The following CCDC40 variants were observed in gnomAD, a reference collection of about 807,000 sequenced individuals.
CCDC40 encodes coiled-coil domain 40 molecular ruler complex subunit, also known as coiled-coil domain-containing protein 40.
A neutral mutation model predicts 124.5 loss-of-function variants in CCDC40; 104 were observed. The ratio of observed to expected loss-of-function variants is 0.84; its 90% confidence interval spans 0.71 to 0.98. The LOEUF (loss-of-function observed/expected upper bound fraction) is 0.98. Among genes scored for constraint, CCDC40 ranks in the 50% least tolerant of loss-of-function variants. The pLI is 0.00. For missense variants in CCDC40, 1,463 were observed against 1,503.9 expected (o/e 0.97, Z 0.45); for synonymous variants, 580 against 602.9 (o/e 0.96, Z 0.56).
At chr17:80,081,155 G>A (rs1034626012) in intron 10 of CCDC40, among the ~76,000 whole-genome samples, 5 of 152,116 alleles carry the variant, frequency 3.3e-5, no homozygotes, top group African/African-American at 1.2e-4. Context: ...GGCCAAGGCA[G>A]GCACATTGCT....
chr17:80,087,463 G>A lies in CCDC40; in HGVS notation c.2450-144G>A. The stretch of plus-strand genomic sequence containing the variant: ...CCTGGCAGGGACGAGATTCAGGCAG[G>A]AGCGCCAGGAACGACAAGAGGGAGG... On this transcript the variant is annotated intron_variant, in intron 14 of 19. Transcript: ENST00000397545. This position sits in a 1 kb window ranked among gnomAD's most constrained non-coding sequence, Gnocchi z 4.5. The A allele has an allele frequency of 4.2e-6, 3 of 711,826 alleles. No individual in the cohort carries two copies. The highest frequency in any genetic ancestry group is 3.5e-5 in the African/African-American group (2 of 57,204). 44.1% of individuals were successfully genotyped at this position (711,826 alleles called of 1,614,324 possible). A position where few individuals can be genotyped will look rare whatever the true frequency, so the allele number is the denominator to read the frequency against.
chr17:80,082,293 C>T (rs1220649399), intron 12 of CCDC40, among the ~76,000 whole-genome samples: 1 of 22,962 alleles, frequency 4.4e-5, no homozygotes, highest in East Asian at 1.2e-3. Context: ...GGCTGATTTC[C>T]CTGGGGGGAC....
rs771945655 is a variant in CCDC40 at position 80,082,063 on chromosome 17, G to A, written c.1989+5G>A. The A allele has an allele frequency of 1.6e-5, 26 of 1,612,504 alleles. No homozygotes were observed. Among genetic ancestry groups the A allele is most frequent in the Non-Finnish European group, 1.6e-5 (19 of 1,179,572 alleles). Reference sequence around the variant, plus strand: ...CAGAAGGAGAAGACCAACATGGTAGGCCCCTGCCCCAGGGAGGGGCTGTGC... The same window carrying A: ...CAGAAGGAGAAGACCAACATGGTAGACCCCTGCCCCAGGGAGGGGCTGTGC... On this transcript the variant is annotated splice_donor_5th_base_variant and intron_variant, in intron 12 of 19. Transcript: ENST00000397545.
At chr17:80,055,805 C>A (rs2037719630) in intron 7 of CCDC40, among the ~76,000 whole-genome samples, 1 of 151,294 alleles carries the variant, frequency 6.6e-6, no homozygotes, top group Non-Finnish European at 1.5e-5. Flanking sequence ...AACGTAGATT[C>A]TTGTGGATTC....
chr17:80,047,323 C>A lies in CCDC40; in HGVS notation c.597C>A (p.Gly199=). ...CCCAGGGGCAGGTGCTCCCAATGGG[C>A]GTCCAGCACCGCTTCCGGCTGAGCC... ...EEPQGQVLPM[G]VQHRFRLSHG... is the part of the protein sequence containing the mutation. The change falls in exon 4 of 20, where the codon GGC becomes GGA. Residue 199 remains glycine, a synonymous_variant. Coordinates refer to ENST00000397545, the MANE Select transcript of CCDC40 (RefSeq NM_017950.4). 6.2e-7 allele frequency: 1 copy of A among 1,613,602 alleles called. No individual in the cohort carries two copies. The highest frequency in any genetic ancestry group is 8.5e-7 in the Non-Finnish European group (1 of 1,179,644).
intron 9 of CCDC40, among the ~76,000 whole-genome samples, chr17:80,063,480 G>A (rs2037956263): frequency 6.6e-6 from 1 of 152,132 alleles, no homozygotes; most frequent in Admixed American, 6.6e-5. Flanking sequence ...GGCAGCCTCA[G>A]GGGCACCATG....
At chr17:80,062,356 A>T (rs1230804048) in intron 9 of CCDC40, among the ~76,000 whole-genome samples, 1 of 151,888 alleles carries the variant, frequency 6.6e-6, no homozygotes, top group Non-Finnish European at 1.5e-5. Context: ...CACGATGTGC[A>T]GGTTTGTTAC....
At chr17:80,090,885 T>A in intron 17 of CCDC40, 2 of 881,262 alleles carry the variant, frequency 2.3e-6, no homozygotes, top group Non-Finnish European at 2.8e-6. Context: ...ATGTTGTGTT[T>A]AAAAATACCA....
In CCDC40 at chr17:80,082,076, G is replaced by T; in HGVS notation, c.1989+18G>T. The T allele has an allele frequency of 6.2e-7, 1 of 1,611,570 alleles. No individual in the cohort carries two copies. Among genetic ancestry groups the T allele is most frequent in the South Asian group, 1.1e-5 (1 of 90,974 alleles). ...CCAACATGGTAGGCCCCTGCCCCAGGGAGGGGCTGTGCGAAGCCCCCTGCA... is the reference window on the plus strand; with the variant it reads ...CCAACATGGTAGGCCCCTGCCCCAGTGAGGGGCTGTGCGAAGCCCCCTGCA... On this transcript the variant is annotated intron_variant, in intron 12 of 19. Coordinates refer to ENST00000397545, the MANE Select transcript of CCDC40 (RefSeq NM_017950.4).
intron 9 of CCDC40, among the ~76,000 whole-genome samples, chr17:80,059,894 A>G (rs1407418934): frequency 6.6e-6 from 1 of 152,136 alleles, no homozygotes; most frequent in Non-Finnish European, 1.5e-5. Flanking sequence ...GAAGGAACGG[A>G]TGAGCACGCT....
At chr17:80,042,562 A>G (rs8070479) in intron 3 of CCDC40, among the ~76,000 whole-genome samples, 16,398 of 152,242 alleles carry the variant, frequency 0.11, 2,805 homozygotes, top group African/African-American at 0.36. Flanking sequence ...GCTTGTTTGT[A>G]GAATCGGTAG....
At chr17:80,036,962 C>T (rs549872389) in intron 1 of CCDC40, among the ~76,000 whole-genome samples, 1 of 152,288 alleles carries the variant, frequency 6.6e-6, no homozygotes, top group South Asian at 2.1e-4. Flanking sequence ...GCGCGCGACT[C>T]CCTCTAAAAC....
intron 10 of CCDC40, among the ~76,000 whole-genome samples, chr17:80,070,209 A>C (rs929275656): frequency 2.6e-5 from 4 of 152,224 alleles, no homozygotes. Flanking sequence ...GGTGGGTCCC[A>C]GTCACCACCA....
chr17:80,060,749 G>A (rs1568686887), intron 9 of CCDC40, among the ~76,000 whole-genome samples: 1 of 152,134 alleles, frequency 6.6e-6, no homozygotes. Flanking sequence ...AGATAGACAG[G>A]CAAGACATTG....
Position 80,099,398 on chromosome 17 carries a change from C to T in CCDC40, c.3181-129C>T, listed in dbSNP as rs145428594. 8.9e-4 allele frequency: 974 copies of T among 1,092,624 alleles called. 5 individuals carry two copies. The African/African-American group carries it at 0.012, about 14-fold the overall frequency. The allele number at this position is 1,092,624 out of a possible 1,614,324, so 67.7% of individuals were successfully genotyped here. Reference sequence around the variant, plus strand: ...GAGATCCAGGGGCGCAACACCTTCACGCCGTCCCTTTTCAGGCGTAGGTCT... The same window carrying T: ...GAGATCCAGGGGCGCAACACCTTCATGCCGTCCCTTTTCAGGCGTAGGTCT... On this transcript the variant is annotated intron_variant, in intron 19 of 19. Coordinates refer to ENST00000397545, the MANE Select transcript of CCDC40 (RefSeq NM_017950.4).
rs780626544 is a variant in CCDC40, at chr17:80,086,190, T to C, written c.2423T>C (p.Met808Thr). The change falls in exon 14 of 20, where the codon ATG becomes ACG. Residue 808 changes from methionine (M) to threonine (T), a missense_variant. Transcript: ENST00000397545. This position sits in a 1 kb window ranked among gnomAD's most constrained non-coding sequence, Gnocchi z 5.5. ...LDASKKELHI[M>T]EQKKLRVESK... Reference sequence around the variant, plus strand: ...GCATCCAAGAAGGAGCTCCACATCATGGAGCAGAAGAAACTACGAGTAGAA... The same window carrying C: ...GCATCCAAGAAGGAGCTCCACATCACGGAGCAGAAGAAACTACGAGTAGAA... 1.3e-5 allele frequency: 21 copies of C among 1,611,900 alleles called. No homozygotes were observed. The African/African-American group carries it at 2.5e-4, about 19-fold the overall frequency.
At chr17:80,053,933 G>C (rs2037672095) in intron 7 of CCDC40, among the ~76,000 whole-genome samples, 1 of 152,188 alleles carries the variant, frequency 6.6e-6, no homozygotes, top group Non-Finnish European at 1.5e-5. Flanking sequence ...ACAACAACGG[G>C]AAGTCCACGC....
chr17:80,036,697 C>T lies in CCDC40; in HGVS notation c.29+6C>T, dbSNP rs755531523. 3 of 1,463,274 alleles carry T rather than the reference C, an allele frequency of 2.1e-6. No individual in the cohort carries two copies. The Admixed American group carries it at 7.0e-5, about 34-fold the overall frequency. 90.6% of individuals were successfully genotyped at this position (1,463,274 alleles called of 1,614,324 possible). ...CCGGGCGGCGCGGCGGGCCGGTAAG[C>T]CGGGCCGAGGGGCAGCGGGTCTTGG... On this transcript the variant is annotated splice_donor_region_variant and intron_variant, in intron 1 of 19. Transcript: ENST00000397545.
At chr17:80,054,551 G>T (rs2037689094) in intron 7 of CCDC40, among the ~76,000 whole-genome samples, 1 of 152,136 alleles carries the variant, frequency 6.6e-6, no homozygotes, top group African/African-American at 2.4e-5. Flanking sequence ...CTGTAAAGCG[G>T]CCCCACATGT....
Sources: gnomAD v4.1 joint callset for allele counts (sites outside exome capture counted in the v4.1 genomes callset) on GRCh38, gnomAD v4.1.1 for gene constraint, Gnocchi (gnomAD v3.1) non-coding constraint, MANE v1.5 for transcripts, NCBI Gene and HGNC (gene_info 2026-07-23, HGNC 2026-07-21) for gene names.